SFSWAP: variants seen among roughly 807,000 people sequenced by gnomAD.
SFSWAP encodes the protein splicing factor SWAP.
A neutral mutation model predicts 100.7 loss-of-function variants in SFSWAP; 17 were observed. That is an observed-to-expected ratio of 0.17 (90% CI 0.12 to 0.25). The LOEUF (loss-of-function observed/expected upper bound fraction) is 0.25. Among genes scored for constraint, SFSWAP ranks in the 10% least tolerant of loss-of-function variants. The pLI, the probability that SFSWAP is intolerant of heterozygous loss-of-function variation, is 1.00. For missense variants in SFSWAP, 1,005 were observed against 1,262.6 expected, an observed-to-expected ratio of 0.80 and a Z score of 3.09; for synonymous variants, 504 against 510.1, an observed-to-expected ratio of 0.99 and a Z score of 0.16.
At chr12:131,755,959 T>C (rs1397759349) in intron 10 of SFSWAP, among the ~76,000 whole-genome samples, 2 of 152,264 alleles carry the variant, frequency 1.3e-5, no homozygotes, top group Non-Finnish European at 2.9e-5. Context: ...GCTGGCGCAC[T>C]TGGAAGTGCT....
At chr12:131,786,325 A>G in intron 14 of SFSWAP, 138 bp from the exon 15 acceptor site, 1 of 1,005,810 alleles carries the variant, frequency 9.9e-7, no homozygotes, top group Non-Finnish European at 1.4e-6. Context: ...GGTTCTCTGA[A>G]GCCTCAGGGT....
At position 131,714,071 on chromosome 12, in the gene SFSWAP, A is replaced by G; in HGVS notation, c.219A>G (p.Arg73=). 1 of 1,612,930 alleles carries G rather than the reference A, an allele frequency of 6.2e-7. No individual in the cohort carries two copies. The highest frequency in any genetic ancestry group is 1.7e-5 in the Admixed American group (1 of 59,998). ...ATTGACCAGCTTGTTCACATTACAG[A>G]TATGATGGACGTGGTCACCTGCATG... ...WMGDHKILID[R]YDGRGHLHDL... is the part of the protein sequence containing the mutation. The change falls in exon 2 of 18, where the codon AGA becomes AGG. Residue 73 remains arginine (R), a splice_region_variant and synonymous_variant. Transcript: ENST00000261674. This position sits in a 1 kb window ranked among gnomAD's most constrained non-coding sequence, Gnocchi z 6.0.
Position 131,783,792 on chromosome 12 carries a change from T to TTTTATATATATATATA in SFSWAP, c.2409-2670_2409-2669insTTATATATATATATAT, listed in dbSNP as rs1312028614. ...AGACTCCGTCTCAAAAAAAAACATT[T>TTTTATATATATATATA]TATATATATATATATATATATATAT... On this transcript the variant is annotated intron_variant, in intron 14 of 17. Transcript: ENST00000261674. 1.4e-4 allele frequency: 12 copies of TTTTATATATATATATA among 86,680 alleles called. No homozygotes were observed. The East Asian group carries it at 2.8e-3, about 20-fold the overall frequency. The allele number at this position is 86,680 out of a possible 1,614,324, so 5.4% of individuals were successfully genotyped here.
At chr12:131,722,220 A>G (rs1004100670) in intron 4 of SFSWAP, among the ~76,000 whole-genome samples, 8 of 152,324 alleles carry the variant, frequency 5.3e-5, no homozygotes, top group Middle Eastern at 3.4e-3. Context: ...CCTAATGATG[A>G]CAGGATCCTT....
chr12:131,755,224 A>AC (rs1593153007), intron 9 of SFSWAP, among the ~76,000 whole-genome samples, 162 bp from the exon 10 acceptor site: 2 of 152,086 alleles, frequency 1.3e-5, no homozygotes, highest in South Asian at 4.1e-4. Flanking sequence ...AGCGATTTCG[A>AC]CCCCCTGTGT....
chr12:131,771,755 C>T lies in SFSWAP; in HGVS notation c.2142+5447C>T, dbSNP rs1296805968. On this transcript the variant is annotated intron_variant, in intron 13 of 17. Coordinates refer to ENST00000261674, the MANE Select transcript of SFSWAP (RefSeq NM_004592.4). ...TTGGCTCACTGCAACCTCTGCCTCC[C>T]GGGTTCAAGTGATTCTCCTGCCTCA... Among the ~76,000 whole-genome samples the T allele has an allele frequency of 2.7e-5, 4 of 150,764 alleles. No homozygotes were observed. The East Asian group carries it at 5.9e-4, about 22-fold the overall frequency.
At chr12:131,754,592 T>A (rs1433767587) in intron 9 of SFSWAP, 93 bp downstream of exon 9, 2 of 956,114 alleles carry the variant, frequency 2.1e-6, no homozygotes, top group Non-Finnish European at 2.8e-6. Context: ...ATTAATTTTT[T>A]TATATATTTT....
chr12:131,749,224 G>A (rs950318764), intron 7 of SFSWAP, among the ~76,000 whole-genome samples: 6 of 152,176 alleles, frequency 3.9e-5, no homozygotes, highest in Admixed American at 2.0e-4. Flanking sequence ...TCCACTTCAC[G>A]GTGTTGTCAG....
In SFSWAP at chr12:131,778,395, A is replaced by G; in HGVS notation, c.2408+65A>G. The G allele has an allele frequency of 6.4e-7, 1 of 1,567,422 alleles. No homozygotes were observed. The highest frequency in any genetic ancestry group is 8.6e-7 in the Non-Finnish European group (1 of 1,159,166). ...CCCCCATGTCCTTCACAGGACACCC[A>G]GTAGAGCTAGGTAGAACGTTTAAAA... On this transcript the variant is annotated intron_variant, in intron 14 of 17. Transcript: ENST00000261674. The surrounding 1 kb of genome is among the most constrained non-coding windows in gnomAD (Gnocchi z 4.2).
chr12:131,749,017 G>A (rs191600278), intron 7 of SFSWAP, among the ~76,000 whole-genome samples: 9 of 152,346 alleles, frequency 5.9e-5, no homozygotes, highest in African/African-American at 2.2e-4. Context: ...GGTTCAACTC[G>A]ATGATGGTGC....
intron 11 of SFSWAP, among the ~76,000 whole-genome samples, chr12:131,762,189 C>T (rs1230060286): frequency 2.0e-5 from 3 of 151,920 alleles, no homozygotes; most frequent in East Asian, 1.9e-4. Flanking sequence ...GCTGAGATCG[C>T]GCCTTTGCAC....
At chr12:131,731,901 CTTTTTTTTTTTTTTTTTT>C (rs755819493) in intron 7 of SFSWAP, among the ~76,000 whole-genome samples, 1 of 55,304 alleles carries the variant, frequency 1.8e-5, no homozygotes, top group Non-Finnish European at 3.3e-5. Context: ...TACTATTTTA[CTTTTTTTTTTTTTTTTTT>C]TTTTTTTTGA....
chr12:131,736,652 G>A (rs187238965), intron 7 of SFSWAP, among the ~76,000 whole-genome samples: 7 of 152,226 alleles, frequency 4.6e-5, no homozygotes, highest in African/African-American at 1.7e-4. Flanking sequence ...CGAATGTTAG[G>A]ATGTGAGGCT....
intron 3 of SFSWAP, among the ~76,000 whole-genome samples, chr12:131,717,762 G>A (rs887454395): frequency 1.3e-5 from 2 of 151,920 alleles, no homozygotes; most frequent in African/African-American, 2.4e-5. Flanking sequence ...ACAGAGTCTC[G>A]CTCTGTCACC....
chr12:131,755,025 A>AT (rs1882028930), intron 9 of SFSWAP, among the ~76,000 whole-genome samples: 1 of 151,946 alleles, frequency 6.6e-6, no homozygotes, highest in South Asian at 2.1e-4. Flanking sequence ...TTTTTGTTTC[A>AT]TTTTTTAAGT....
At chr12:131,740,794 T>G (rs1880527174) in intron 7 of SFSWAP, among the ~76,000 whole-genome samples, 1 of 152,078 alleles carries the variant, frequency 6.6e-6, no homozygotes, top group Non-Finnish European at 1.5e-5. Flanking sequence ...CCTTTCTATA[T>G]AAAGGTGCAT....
intron 9 of SFSWAP, among the ~76,000 whole-genome samples, chr12:131,754,791 G>A (rs552410044): frequency 2.0e-5 from 3 of 151,612 alleles, no homozygotes; most frequent in South Asian, 2.1e-4. Context: ...GCACCACCAC[G>A]CCTGGTTAAT....
rs752678078 is a variant in SFSWAP at position 131,766,144 on chromosome 12, G to T, written c.1978G>T (p.Ala660Ser). 1 of 1,611,900 alleles carries T rather than the reference G, an allele frequency of 6.2e-7. No individual in the cohort carries two copies. The highest frequency in any genetic ancestry group is 8.5e-7 in the Non-Finnish European group (1 of 1,179,042). The change falls in exon 13 of 18, where the codon GCA (alanine) becomes TCA (serine). Residue 660 changes from alanine to serine, a missense_variant. Around this residue, in one of 7 missense-constraint regions of SFSWAP, gnomAD observed 82 missense variants for 131.0 expected, o/e 0.63. Coordinates refer to ENST00000261674, the MANE Select transcript of SFSWAP (RefSeq NM_004592.4). ...AAAGCAAAAGCTGGAAGATCGCCTC[G>T]CAGCTGCTGCCCGGGAAAAGCTGGC... Reference protein sequence around the residue: ...QAKQKLEDRLAAAAREKLAQA... With the variant: ...QAKQKLEDRLSAAAREKLAQA...
intron 7 of SFSWAP, among the ~76,000 whole-genome samples, chr12:131,742,883 C>A (rs998806503): frequency 6.6e-6 from 1 of 152,100 alleles, no homozygotes; most frequent in Non-Finnish European, 1.5e-5. Context: ...ACTTACAGTT[C>A]CACATGGCTG....
Sources: gnomAD v4.1 joint callset for allele counts (sites outside exome capture counted in the v4.1 genomes callset) on GRCh38, gnomAD v4.1.1 for gene constraint, gnomAD v4.1.1 regional missense constraint, Gnocchi (gnomAD v3.1) non-coding constraint, MANE v1.5 for transcripts, NCBI Gene and HGNC (gene_info 2026-07-23, HGNC 2026-07-21) for gene names.